The following TRMT11 variants were observed in gnomAD, a reference collection of about 807,000 sequenced individuals.
TRMT11 encodes tRNA methyltransferase 11.
Under a neutral mutation model 62.8 loss-of-function variants are expected in TRMT11, and 53 were observed. That is an observed-to-expected ratio of 0.84 (90% CI 0.68 to 1.06). The LOEUF is 1.06. TRMT11 is among the 50% of genes least tolerant of loss of function. The pLI, the probability that TRMT11 is intolerant of heterozygous loss-of-function variation, is 0.00. For synonymous variants in TRMT11, 188 were observed against 190.3 expected, an observed-to-expected ratio of 0.99 and a Z score of 0.10; for missense variants, 556 against 553.4, an observed-to-expected ratio of 1.00 and a Z score of -0.05.
intron 7 of TRMT11, among the ~76,000 whole-genome samples, chr6:126,001,441 T>C (rs1792466171): frequency 6.6e-6 from 1 of 152,170 alleles, no homozygotes; most frequent in Non-Finnish European, 1.5e-5. Context: ...AGGTTATACA[T>C]TCCCAGCTGG....
the TRMT11 span, among the ~76,000 whole-genome samples, chr6:126,245,659 T>C: frequency 2.0e-5 from 3 of 152,256 alleles, no homozygotes; most frequent in Non-Finnish European, 4.4e-5. Flanking sequence ...AGTTTGATTA[T>C]AGTAACTGAA....
At chr6:126,181,519 C>T (rs778863471) in intron 1 of TRMT11, among the ~76,000 whole-genome samples, 5 of 152,034 alleles carry the variant, frequency 3.3e-5, no homozygotes, top group Admixed American at 1.3e-4. Flanking sequence ...TACCCTAATA[C>T]AGATTCCTAC....
chr6:126,006,188 T>C (rs555575758), intron 7 of TRMT11, among the ~76,000 whole-genome samples: 26 of 152,020 alleles, frequency 1.7e-4, no homozygotes, highest in Admixed American at 9.2e-4. Context: ...AGGAGTCCCA[T>C]TGTCTAGCAG....
rs774674580 is a variant in TRMT11 at position 126,021,288 on chromosome 6, G to C, written c.1260+8G>C. 1.9e-6 allele frequency: 3 copies of C among 1,612,866 alleles called. No individual in the cohort carries two copies. Among genetic ancestry groups the C allele is most frequent in the Non-Finnish European group, 2.5e-6 (3 of 1,179,022 alleles). On this transcript the variant is annotated splice_region_variant and intron_variant, in intron 12 of 12. Coordinates refer to ENST00000334379, the MANE Select transcript of TRMT11 (RefSeq NM_001031712.3). ...AAGGTGAAGAAATTTGAGGTAAATT[G>C]CTTCAGTATTTTTGGGATAAATTCT...
chr6:126,130,099 C>G (rs1453383742), intron 21 of TRMT11, among the ~76,000 whole-genome samples: 4 of 152,014 alleles, frequency 2.6e-5, no homozygotes, highest in Admixed American at 1.3e-4. Flanking sequence ...AGAGGTCCAT[C>G]AGTTCAGTTC....
intron 21 of TRMT11, among the ~76,000 whole-genome samples, chr6:126,144,355 T>A (rs944029583): frequency 3.3e-5 from 5 of 152,150 alleles, no homozygotes; most frequent in Admixed American, 1.3e-4. Flanking sequence ...TGGCGTGAAT[T>A]CATTTCTCAC....
chr6:126,270,807 C>T, the TRMT11 span, among the ~76,000 whole-genome samples: 6 of 152,194 alleles, frequency 3.9e-5, no homozygotes, highest in East Asian at 1.2e-3. Flanking sequence ...TGTTACCTTG[C>T]TTGTCTGTAT....
At chr6:126,025,281 T>C (rs948544095) in intron 12 of TRMT11, among the ~76,000 whole-genome samples, 2 of 152,214 alleles carry the variant, frequency 1.3e-5, no homozygotes, top group African/African-American at 4.8e-5. Flanking sequence ...TATTTGAGAC[T>C]GAAGGAAAAC....
chr6:126,215,013 T>C, the TRMT11 span, among the ~76,000 whole-genome samples: 1 of 151,990 alleles, frequency 6.6e-6, no homozygotes, highest in Non-Finnish European at 1.5e-5. Context: ...CCTCTTGTTA[T>C]TATTTTCTGG....
At chr6:126,180,731 A>T (rs1778452567) in intron 1 of TRMT11, among the ~76,000 whole-genome samples, 1 of 152,208 alleles carries the variant, frequency 6.6e-6, no homozygotes. Flanking sequence ...ACAGGTGCTG[A>T]TGCCTTAGTC....
the TRMT11 span, among the ~76,000 whole-genome samples, chr6:126,212,597 C>G: frequency 6.6e-6 from 1 of 152,078 alleles, no homozygotes; most frequent in Non-Finnish European, 1.5e-5. Flanking sequence ...AATGTCTGTT[C>G]AGATATTTAG....
At chr6:126,247,732 A>T in the TRMT11 span, among the ~76,000 whole-genome samples, 11 of 151,648 alleles carry the variant, frequency 7.3e-5, no homozygotes, top group South Asian at 2.3e-3. Flanking sequence ...AACTAGGAAC[A>T]TATAGAAGTA....
chr6:126,207,062 A>G (rs1778797694), downstream of TRMT11, among the ~76,000 whole-genome samples: 1 of 152,164 alleles, frequency 6.6e-6, no homozygotes. Flanking sequence ...TGTCCAGTAT[A>G]GTTCCTTTTT....
rs1775689147 is a variant in TRMT11 at position 126,038,775 on chromosome 6, A to G, written c.1331A>G (p.Glu444Gly). 1 of 1,607,330 alleles carries G rather than the reference A, an allele frequency of 6.2e-7. No individual in the cohort carries two copies. Among genetic ancestry groups the G allele is most frequent in the Non-Finnish European group, 8.5e-7 (1 of 1,176,952 alleles). ...LPYQGHNSFR[E>G]KYFSGVTKRI... ...TACCAAGGTCATAATTCCTTCCGTGAGAAATATTTTAGTGGGGTAACAAAA... is the reference window on the plus strand; with the variant it reads ...TACCAAGGTCATAATTCCTTCCGTGGGAAATATTTTAGTGGGGTAACAAAA... Residue 444 changes from glutamate to glycine, a missense_variant, in exon 13 of 13, where the codon GAG (glutamate) becomes GGG (glycine). Coordinates refer to ENST00000334379, the MANE Select transcript of TRMT11 (RefSeq NM_001031712.3).
chr6:126,021,706 G>T (rs997018080), intron 12 of TRMT11, among the ~76,000 whole-genome samples: 1 of 152,200 alleles, frequency 6.6e-6, no homozygotes, highest in Non-Finnish European at 1.5e-5. Context: ...TCCCCAGTTT[G>T]TTAGGGCCCA....
At chr6:126,164,369 G>A (rs560084013) in intron 21 of TRMT11, among the ~76,000 whole-genome samples, 42 of 152,014 alleles carry the variant, frequency 2.8e-4, no homozygotes, top group Admixed American at 1.1e-3. Context: ...TTCTTTTGCA[G>A]TTGCTAAGGA....
At chr6:125,998,840 T>C (rs540794944) in intron 6 of TRMT11, among the ~76,000 whole-genome samples, 156 bp downstream of exon 6, 1 of 152,302 alleles carries the variant, frequency 6.6e-6, no homozygotes, top group South Asian at 2.1e-4. Flanking sequence ...ATGTTTTGTT[T>C]TGTGTTTTCC....
At chr6:126,223,795 G>A in the TRMT11 span, among the ~76,000 whole-genome samples, 1 of 152,186 alleles carries the variant, frequency 6.6e-6, no homozygotes, top group Non-Finnish European at 1.5e-5. Flanking sequence ...GGACTCCAAA[G>A]AGTTGTAGGT....
At chr6:126,056,246 C>T (rs1371955952) in intron 17 of TRMT11, among the ~76,000 whole-genome samples, 2 of 152,122 alleles carry the variant, frequency 1.3e-5, no homozygotes, top group African/African-American at 4.8e-5. Flanking sequence ...GTTATAAAGA[C>T]TAAGGAAGAG....
Sources: gnomAD v4.1 joint callset for allele counts (sites outside exome capture counted in the v4.1 genomes callset) on GRCh38, gnomAD v4.1.1 for gene constraint, MANE v1.5 for transcripts, NCBI Gene and HGNC (gene_info 2026-07-23, HGNC 2026-07-21) for gene names.